The following SPTBN5 variants were observed in gnomAD, a reference collection of about 807,000 sequenced individuals.
SPTBN5 encodes spectrin beta, non-erythrocytic 5.
In SPTBN5, 513 loss-of-function variants were observed where a neutral mutation model predicts 477.6. The observed-to-expected ratio is 1.07, with a 90% CI of 1.00 to 1.16. The LOEUF (loss-of-function observed/expected upper bound fraction) is 1.16, where lower values mean the gene tolerates loss of function less well. Ranked by LOEUF, SPTBN5 falls within the 50% of genes most tolerant of loss-of-function variation. SPTBN5 has a pLI of 0.00. For missense variants in SPTBN5, 5,062 were observed against 4,731.8 expected (o/e 1.07, Z -2.05); for synonymous variants, 2,169 against 2,011.7 (o/e 1.08, Z -2.09).
In SPTBN5 at chr15:41,882,718, G is replaced by T. The variant is rs2067013275; in HGVS notation, c.1913C>A (p.Thr638Asn). 6.2e-7 allele frequency: 1 copy of T among 1,610,124 alleles called. No homozygotes were observed. The highest frequency in any genetic ancestry group is 1.1e-5 in the South Asian group (1 of 90,264). The change falls in exon 10 of 68, where the codon ACC (threonine) becomes AAC (asparagine). Residue 638 changes from threonine to asparagine, a missense_variant. By Grantham distance (65) the Thr-to-Asn change is moderately conservative. Coordinates refer to ENST00000320955, the MANE Select transcript of SPTBN5 (RefSeq NM_016642.4). ...GCGCAGGAACTCTGCCCGCTGCAGG[G>T]TCTGCTCCAGCAGGGCCCGCCTGAG... ...VRARRALLEQTLQRAEFLRNC... is the reference protein window; with the variant it reads ...VRARRALLEQNLQRAEFLRNC...
At position 41,853,261 on chromosome 15, in the gene SPTBN5, C is replaced by CGCAGA; in HGVS notation, c.10162_10166dup (p.Glu3390LeufsTer4). On this transcript the variant is annotated frameshift_variant, in exon 59 of 68. Transcript: ENST00000320955. LOFTEE classifies it high-confidence loss of function. Reference sequence around the variant, plus strand: ...GGCCCACCCTCTGAGTTCACACCTCCGCAGACATGAAGTGGCTGTTGTCCA... The same window carrying CGCAGA: ...GGCCCACCCTCTGAGTTCACACCTCCGCAGAGCAGACATGAAGTGGCTGTTGTCCA... 6.3e-7 allele frequency: 1 copy of CGCAGA among 1,598,568 alleles called. No individual in the cohort carries two copies. The highest frequency in any genetic ancestry group is 8.6e-7 in the Non-Finnish European group (1 of 1,169,404).
At chr15:41,866,323 G>A in intron 37 of SPTBN5, 21 bp downstream of exon 37, 1 of 1,578,326 alleles carries the variant, frequency 6.3e-7, no homozygotes, top group East Asian at 2.3e-5. Flanking sequence ...GCAGGCATGG[G>A]GCTGAGGGCC....
In SPTBN5 at chr15:41,854,939, A is replaced by C. The variant is rs757740652; in HGVS notation, c.9461T>G (p.Val3154Gly). ...EEKFDAFRKE[V>G]QSLGQAKVYA... ...CACCTTGGCCTGGCCCAGGCTCTGC[A>C]CTTCCTTTCTGAAAGCATCAAACTT... The change falls in exon 56 of 68, where the codon GTG becomes GGG. Residue 3154 changes from valine to glycine, a missense_variant. Coordinates refer to ENST00000320955, the MANE Select transcript of SPTBN5 (RefSeq NM_016642.4). 5 of 1,565,572 alleles carry C rather than the reference A, an allele frequency of 3.2e-6. No individual in the cohort carries two copies. Among genetic ancestry groups the C allele is most frequent in the Non-Finnish European group, 4.3e-6 (5 of 1,157,432 alleles).
At chr15:41,870,662 C>T (rs2066506045) in intron 29 of SPTBN5, 102 bp from the exon 30 acceptor site, 12 of 943,056 alleles carry the variant, frequency 1.3e-5, no homozygotes, top group Non-Finnish European at 1.6e-5. Flanking sequence ...TGAGTTGTAT[C>T]GGGACTTGCC....
chr15:41,848,434 C>G lies in SPTBN5; in HGVS notation c.*182G>C. On this transcript the variant is annotated 3_prime_UTR_variant, in exon 68 of 68. Transcript: ENST00000320955. ...GGGGGAGGCCAGGCAATGGCTGTTT[C>G]CTGCCACATGGTAGGACCCATCTAA... 2 of 695,606 alleles carry G rather than the reference C, an allele frequency of 2.9e-6. No individual in the cohort carries two copies. 43.1% of individuals were successfully genotyped at this position (695,606 alleles called of 1,614,324 possible).
Position 41,870,300 on chromosome 15 carries a change from C to T in SPTBN5, c.5616G>A (p.Glu1872=). The T allele has an allele frequency of 3.8e-6, 6 of 1,559,420 alleles. No homozygotes were observed. The South Asian group carries it at 5.9e-5, about 15-fold the overall frequency. Residue 1872 remains glutamate, a synonymous_variant, in exon 31 of 68, where the codon GAG becomes GAA. Transcript: ENST00000320955. ...NNVARDLCGL[E]AQLRSHQGLE... Reference sequence around the variant, plus strand: ...GCCCCTGGTGGCTTCTCAGCTGCGCCTCCAGCCCACACAGGTCCCGTGCCA... The same window carrying T: ...GCCCCTGGTGGCTTCTCAGCTGCGCTTCCAGCCCACACAGGTCCCGTGCCA...
rs755865860 is a variant in SPTBN5 at position 41,851,771 on chromosome 15, G to A, written c.10656+8C>T. On this transcript the variant is annotated splice_region_variant and intron_variant, in intron 63 of 67. Coordinates refer to ENST00000320955, the MANE Select transcript of SPTBN5 (RefSeq NM_016642.4). Reference sequence around the variant, plus strand: ...AGCTGCCTGGAGAAGGAATCTCCAGGCACTCACCTGCCTCCCGCCAGGCAG... The same window carrying A: ...AGCTGCCTGGAGAAGGAATCTCCAGACACTCACCTGCCTCCCGCCAGGCAG... 1.9e-6 allele frequency: 3 copies of A among 1,605,192 alleles called. No homozygotes were observed. The highest frequency in any genetic ancestry group is 2.2e-5 in the South Asian group (2 of 90,768).
rs1178454608 is a variant in SPTBN5, at chr15:41,850,943, G to T, written c.10836-4C>A. 6.4e-7 allele frequency: 1 copy of T among 1,559,126 alleles called. No homozygotes were observed. The highest frequency in any genetic ancestry group is 8.6e-7 in the Non-Finnish European group (1 of 1,162,740). ...GATCTCTGCCCCACTGGTCAGCCTGGCACCCACAGTCACAGGTCAAACTCC... is the reference window on the plus strand; with the variant it reads ...GATCTCTGCCCCACTGGTCAGCCTGTCACCCACAGTCACAGGTCAAACTCC... On this transcript the variant is annotated splice_polypyrimidine_tract_variant and splice_region_variant and intron_variant, in intron 65 of 67. Coordinates refer to ENST00000320955, the MANE Select transcript of SPTBN5 (RefSeq NM_016642.4).
Position 41,875,407 on chromosome 15 carries a change from C to T in SPTBN5, c.4287+51G>A, listed in dbSNP as rs950642009. 3.1e-5 allele frequency: 49 copies of T among 1,576,642 alleles called. No homozygotes were observed. The African/African-American group carries it at 6.3e-4, about 20-fold the overall frequency. On this transcript the variant is annotated intron_variant, in intron 22 of 67. Coordinates refer to ENST00000320955, the MANE Select transcript of SPTBN5 (RefSeq NM_016642.4). Reference sequence around the variant, plus strand: ...CTTCTCCCTCCCCGTTCTGTCCAGCCCAGCCAGGCCTCCGTCTCCCTCTTG... The same window carrying T: ...CTTCTCCCTCCCCGTTCTGTCCAGCTCAGCCAGGCCTCCGTCTCCCTCTTG...
chr15:41,852,366 C>T (rs2065793794), intron 61 of SPTBN5, 50 bp from the exon 62 acceptor site: 5 of 1,512,332 alleles, frequency 3.3e-6, no homozygotes, highest in Non-Finnish European at 4.5e-6. Context: ...GGGAGACCAG[C>T]CACACCTCAG....
chr15:41,858,085 TCAG>T (rs1416773638), intron 49 of SPTBN5, among the ~76,000 whole-genome samples: 1 of 152,066 alleles, frequency 6.6e-6, no homozygotes. Flanking sequence ...TCGCCTGAGC[TCAG>T]GAGTTTAACA....
At position 41,860,752 on chromosome 15, in the gene SPTBN5, A is replaced by G. The variant is rs2066078149; in HGVS notation, c.7822T>C (p.Leu2608=). ...SLASEGLWDP[L]APMEPLLWKH... The stretch of plus-strand genomic sequence containing the variant: ...CACAGAAGGGGCTCCATGGGGGCCA[A>G]GGGGTCCTGGTGGGAGTGGGGAACC... The change falls in exon 47 of 68, where the codon TTG becomes CTG. Residue 2608 remains leucine (L), a synonymous_variant. Transcript: ENST00000320955. 3.2e-6 allele frequency: 5 copies of G among 1,586,360 alleles called. No individual in the cohort carries two copies. The highest frequency in any genetic ancestry group is 4.3e-6 in the Non-Finnish European group (5 of 1,167,492).
Position 41,875,617 on chromosome 15 carries a change from C to T in SPTBN5, c.4128G>A (p.Gly1376=). 1.3e-6 allele frequency: 2 copies of T among 1,586,124 alleles called. No homozygotes were observed. Among genetic ancestry groups the T allele is most frequent in the South Asian group, 1.2e-5 (1 of 86,784 alleles). The change falls in exon 22 of 68, where the codon GGG becomes GGA. Residue 1376 remains glycine (G), a synonymous_variant. Transcript: ENST00000320955. ...AGGGCCTCCTACTCAACAGCTCTCT[C>T]CCAACCTGGAGTGGAGATAAAGGCC... The part of the protein sequence containing the change: ...RRHVEALQQV[G]RELLSRRPCG...
intron 2 of SPTBN5, 54 bp from the exon 3 acceptor site, chr15:41,893,115 C>A: frequency 1.3e-6 from 2 of 1,590,052 alleles, no homozygotes; most frequent in South Asian, 1.1e-5. Context: ...CCTGTCCTCC[C>A]ATCCTGGGAC....
In SPTBN5 at chr15:41,875,045, C is replaced by T. The variant is rs765871134; in HGVS notation, c.4299G>A (p.Glu1433=). 4.3e-6 allele frequency: 7 copies of T among 1,611,620 alleles called. No individual in the cohort carries two copies. The highest frequency in any genetic ancestry group is 3.3e-5 in the Admixed American group (2 of 59,882). ...QLLRQLQDAK[E]QLEQLEGALQ... ...GGGCCCCTTCGAGCTGCTCCAGCTG[C>T]TCCTTTGCATCCTGGGAGGGACGCA... Residue 1433 remains glutamate, a synonymous_variant, in exon 23 of 68, where the codon GAG becomes GAA. Coordinates refer to ENST00000320955, the MANE Select transcript of SPTBN5 (RefSeq NM_016642.4).
In SPTBN5 at chr15:41,852,779, G is replaced by C. The variant is rs550683278; in HGVS notation, c.10348-44C>G. On this transcript the variant is annotated intron_variant, in intron 60 of 67. Coordinates refer to ENST00000320955, the MANE Select transcript of SPTBN5 (RefSeq NM_016642.4). ...AGGTGACGCCCAGCTTGGGGGGGGG[G>C]GCCCAGAGCCTGGTAGCCAGCTAAG... is the stretch of plus-strand genomic sequence containing the variant. 1.4e-4 allele frequency: 231 copies of C among 1,603,782 alleles called. 1 individual carries two copies. The East Asian group carries it at 2.3e-3, about 16-fold the overall frequency.
Position 41,863,722 on chromosome 15 carries a change from G to A in SPTBN5, c.7131C>T (p.Thr2377=). ...CACGTACCTTCTCCTGAATCCTCTT[G>A]GTGACATTGTCCAGCTCTCGGGACA... ...HVLSRELDNV[T]KRIQEKEALI... The change falls in exon 41 of 68, where the codon ACC becomes ACT. Residue 2377 remains threonine (T), a synonymous_variant. Coordinates refer to ENST00000320955, the MANE Select transcript of SPTBN5 (RefSeq NM_016642.4). 6.2e-7 allele frequency: 1 copy of A among 1,613,288 alleles called. No individual in the cohort carries two copies. Among genetic ancestry groups the A allele is most frequent in the East Asian group, 2.2e-5 (1 of 44,868 alleles).
chr15:41,855,730 ATCCCGCC>A lies in SPTBN5; in HGVS notation c.9030_9036del (p.Glu3010AspfsTer66). 1 of 1,584,224 alleles carries A rather than the reference ATCCCGCC, an allele frequency of 6.3e-7. No homozygotes were observed. Among genetic ancestry groups the A allele is most frequent in the Non-Finnish European group, 8.6e-7 (1 of 1,165,458 alleles). ...ACATGGCCCCGCTCAGCCAGCCAGGATCCCGCCTCCAGGAGCTGGGGGTGACAGAGTG... is the reference window on the plus strand; with the variant it reads ...ACATGGCCCCGCTCAGCCAGCCAGGATCCAGGAGCTGGGGGTGACAGAGTG... On this transcript the variant is annotated frameshift_variant, in exon 54 of 68. Transcript: ENST00000320955. LOFTEE classifies it high-confidence loss of function.
Position 41,870,488 on chromosome 15 carries a change from G to A in SPTBN5, c.5520C>T (p.Leu1840=). 6.2e-7 allele frequency: 1 copy of A among 1,613,630 alleles called. No homozygotes were observed. The highest frequency in any genetic ancestry group is 1.1e-5 in the South Asian group (1 of 91,076). The part of the protein sequence containing the change: ...GHALRDTETT[L]RVHRDLLEVL... ...CTTCCAAGAGATCTCTGTGAACTCT[G>A]AGGGTGGTCTCGGTGTCTCGGAGCG... Residue 1840 remains leucine, a synonymous_variant, in exon 30 of 68, where the codon CTC becomes CTT. Coordinates refer to ENST00000320955, the MANE Select transcript of SPTBN5 (RefSeq NM_016642.4).
Sources: gnomAD v4.1 joint callset for allele counts (sites outside exome capture counted in the v4.1 genomes callset) on GRCh38, gnomAD v4.1.1 for gene constraint, MANE v1.5 for transcripts, NCBI Gene and HGNC (gene_info 2026-07-23, HGNC 2026-07-21) for gene names.